The following MAML3 variants were observed in gnomAD, a reference collection of about 807,000 sequenced individuals.
MAML3 encodes mastermind like transcriptional coactivator 3, also known as mastermind-like protein 3.
A neutral mutation model predicts 101.9 loss-of-function variants in MAML3; 27 were observed. That is an observed-to-expected ratio of 0.27 (90% CI 0.20 to 0.37). The LOEUF is 0.37. Ranked by LOEUF, MAML3 falls within the 10% of genes least tolerant of loss-of-function variation. The probability of loss-of-function intolerance (pLI) is 1.00; values close to 1 mark genes in which losing one functional copy is unlikely to be tolerated. For missense variants in MAML3, 1,316 were observed against 1,444.9 expected (o/e 0.91, Z 1.45); for synonymous variants, 501 against 555.9 (o/e 0.90, Z 1.39).
Position 139,924,769 on chromosome 4 carries a change from C to T in MAML3, c.469-33802G>A, listed in dbSNP as rs181748722. 5.6e-4 allele frequency among the ~76,000 whole-genome samples: 86 copies of T among 152,248 alleles called. No homozygotes were observed. In the Middle Eastern group the frequency reaches 0.017, roughly 30 times the overall value. On this transcript the variant is annotated intron_variant, in intron 1 of 4. Coordinates refer to ENST00000509479, the MANE Select transcript of MAML3 (RefSeq NM_018717.5). The stretch of plus-strand genomic sequence containing the variant: ...ACACAGATGTAAAAATCTTTGTTCC[C>T]CTTAGGAAACTAGCATCTTATTATT...
In MAML3 at chr4:140,011,140, C is replaced by T. The variant is rs62347775; in HGVS notation, c.469-120173G>A. ...GTGTGTGTATATATATATATATACA[C>T]ATATGTCATATATATTTATATATAT... On this transcript the variant is annotated intron_variant, in intron 1 of 4. Coordinates refer to ENST00000509479, the MANE Select transcript of MAML3 (RefSeq NM_018717.5). Among the ~76,000 whole-genome samples, 73 of 107,684 alleles carry T rather than the reference C, an allele frequency of 6.8e-4. 1 individual carries two copies. Among genetic ancestry groups the T allele is most frequent in the African/African-American group, 2.2e-3 (69 of 31,082 alleles). 70.6% of individuals were successfully genotyped at this position (107,684 alleles called of 152,430 possible).
At chr4:139,762,416 T>C (rs565157211) in intron 2 of MAML3, among the ~76,000 whole-genome samples, 2 of 152,296 alleles carry the variant, frequency 1.3e-5, no homozygotes, top group South Asian at 4.1e-4. Flanking sequence ...TTTGCATTTC[T>C]TTTTCTCCTG....
chr4:140,074,544 T>C (rs1727734869), intron 1 of MAML3, among the ~76,000 whole-genome samples: 1 of 152,220 alleles, frequency 6.6e-6, no homozygotes, highest in African/African-American at 2.4e-5. Flanking sequence ...CCTGACCTCA[T>C]GACAGGTCGC....
intron 1 of MAML3, among the ~76,000 whole-genome samples, chr4:140,048,370 A>AGATGACCTTG: frequency 6.6e-6 from 1 of 152,232 alleles, no homozygotes; most frequent in African/African-American, 2.4e-5. Flanking sequence ...CAAATAATAA[A>AGATGACCTTG]GCCATCTCCA....
At chr4:139,773,988 T>C (rs2111071480) in intron 2 of MAML3, among the ~76,000 whole-genome samples, 1 of 152,336 alleles carries the variant, frequency 6.6e-6, no homozygotes, top group African/African-American at 2.4e-5. Flanking sequence ...GTTTGGGATC[T>C]AAAGCACATG....
Position 139,885,963 on chromosome 4 carries a change from A to AG in MAML3, c.2079+3393dup, listed in dbSNP as rs200205351. Among the ~76,000 whole-genome samples the AG allele has an allele frequency of 7.4e-3, 1,047 of 141,230 alleles. 79 individuals carry two copies. The highest frequency in any genetic ancestry group is 0.066 in the Admixed American group (881 of 13,266). The allele number at this position is 141,230 out of a possible 152,430, so 92.7% of individuals were successfully genotyped here. On this transcript the variant is annotated intron_variant, in intron 2 of 4. Coordinates refer to ENST00000509479, the MANE Select transcript of MAML3 (RefSeq NM_018717.5). ...AAAAAAAAAAAAAAAAAAAAGAAAG[A>AG]GAAAAAAAGTAAAGGGAATAAAGAA...
At chr4:140,113,002 C>A (rs940087580) in intron 1 of MAML3, among the ~76,000 whole-genome samples, 1 of 152,094 alleles carries the variant, frequency 6.6e-6, no homozygotes, top group African/African-American at 2.4e-5. Context: ...AATAACTGTC[C>A]GGGCGCAGTG....
intron 2 of MAML3, among the ~76,000 whole-genome samples, chr4:139,747,268 G>T (rs370791206): frequency 5.3e-5 from 8 of 152,188 alleles, no homozygotes; most frequent in Admixed American, 6.5e-5. Context: ...TTGTGGCGCC[G>T]GTGGGAGGAG....
At chr4:139,970,868 T>C (rs932511618) in intron 1 of MAML3, among the ~76,000 whole-genome samples, 2 of 152,202 alleles carry the variant, frequency 1.3e-5, no homozygotes, top group South Asian at 2.1e-4. Context: ...GAAGAGCACC[T>C]AGCATATGGC....
intron 2 of MAML3, among the ~76,000 whole-genome samples, chr4:139,767,034 C>A (rs1047662184): frequency 1.3e-5 from 2 of 152,228 alleles, no homozygotes; most frequent in Non-Finnish European, 2.9e-5. Context: ...CTATTATTGT[C>A]CACTTTATTA....
intron 1 of MAML3, among the ~76,000 whole-genome samples, chr4:140,112,979 C>G (rs765904043): frequency 2.6e-5 from 4 of 152,100 alleles, no homozygotes; most frequent in Non-Finnish European, 5.9e-5. Context: ...AATATTTTAT[C>G]CTTTAACAAT....
intron 1 of MAML3, among the ~76,000 whole-genome samples, chr4:140,127,444 G>A (rs1229119143): frequency 6.6e-6 from 1 of 152,136 alleles, no homozygotes; most frequent in African/African-American, 2.4e-5. Flanking sequence ...GAGGGAATTT[G>A]GACTCACATT....
chr4:140,028,538 A>T (rs1306862904), intron 1 of MAML3, among the ~76,000 whole-genome samples: 2 of 152,126 alleles, frequency 1.3e-5, no homozygotes, highest in Non-Finnish European at 2.9e-5. Context: ...TATTTCCATT[A>T]ACACTGGCTA....
At position 139,885,932 on chromosome 4, in the gene MAML3, C is replaced by CAAA. The variant is rs1182443191; in HGVS notation, c.2079+3422_2079+3424dup. On this transcript the variant is annotated intron_variant, in intron 2 of 4. Transcript: ENST00000509479. ...TGGGCGACAGGGCAAGACTCCGTCTCAAAAAAAAAAAAAAAAAAAAAAAAA... is the reference window on the plus strand; with the variant it reads ...TGGGCGACAGGGCAAGACTCCGTCTCAAAAAAAAAAAAAAAAAAAAAAAAAAAA... Among the ~76,000 whole-genome samples the CAAA allele has an allele frequency of 7.2e-3, 145 of 20,272 alleles. 16 individuals are homozygous for CAAA. Among genetic ancestry groups the CAAA allele is most frequent in the Non-Finnish European group, 7.7e-3 (80 of 10,406 alleles). The allele number at this position is 20,272 out of a possible 152,430, so 13.3% of individuals were successfully genotyped here.
intron 1 of MAML3, among the ~76,000 whole-genome samples, chr4:140,025,892 C>T (rs961796001): frequency 2.6e-5 from 4 of 152,160 alleles, no homozygotes; most frequent in East Asian, 1.9e-4. Context: ...CTTAGGGGTA[C>T]GTGGTTTCAT....
chr4:140,053,339 C>T (rs988081269), intron 1 of MAML3, among the ~76,000 whole-genome samples: 1 of 152,150 alleles, frequency 6.6e-6, no homozygotes, highest in Non-Finnish European at 1.5e-5. Context: ...TCAGCATGCC[C>T]CTCGGACCAC....
intron 1 of MAML3, among the ~76,000 whole-genome samples, chr4:139,955,098 A>G (rs1733894566): frequency 6.6e-6 from 1 of 152,094 alleles, no homozygotes; most frequent in South Asian, 2.1e-4. Context: ...GAATATTCTA[A>G]GATCTTTGGG....
intron 2 of MAML3, among the ~76,000 whole-genome samples, chr4:139,832,094 CTTTTTTTTT>C (rs70943444): frequency 0.034 from 2,194 of 64,912 alleles, 43 homozygotes; most frequent in Middle Eastern, 0.18. Flanking sequence ...TGCCCAGCCC[CTTTTTTTTT>C]TTTTTTTTTT....
At chr4:140,084,491 AT>A (rs1727919974) in intron 1 of MAML3, among the ~76,000 whole-genome samples, 1 of 152,088 alleles carries the variant, frequency 6.6e-6, no homozygotes. Flanking sequence ...TTCTTTATAC[AT>A]TTTCACTACT....
Sources: gnomAD v4.1 joint callset for allele counts (sites outside exome capture counted in the v4.1 genomes callset) on GRCh38, gnomAD v4.1.1 for gene constraint, MANE v1.5 for transcripts, NCBI Gene and HGNC (gene_info 2026-07-23, HGNC 2026-07-21) for gene names.